PRSS12: variants seen among roughly 807,000 people sequenced by gnomAD.
PRSS12 encodes the protein neurotrypsin.
PRSS12 carries 85 observed loss-of-function variants against 104.4 expected under a neutral mutation model. The ratio of observed to expected loss-of-function variants is 0.81; its 90% CI spans 0.68 to 0.98. The LOEUF (loss-of-function observed/expected upper bound fraction) is 0.98, where lower values mean the gene tolerates loss of function less well. Among genes scored for constraint, PRSS12 ranks in the 50% least tolerant of loss-of-function variants. PRSS12 has a pLI of 0.00. For synonymous variants in PRSS12, 454 were observed against 425.2 expected (o/e 1.07, Z -0.83); for missense variants, 1,141 against 1,139.2 (o/e 1.00, Z -0.02).
At chr4:118,286,915 A>T (rs919001326) in intron 11 of PRSS12, among the ~76,000 whole-genome samples, 2 of 152,250 alleles carry the variant, frequency 1.3e-5, no homozygotes, top group Middle Eastern at 3.4e-3. Flanking sequence ...ATCCTAAGAG[A>T]TTACTAATAG....
At chr4:118,284,253 T>C (rs1050593817) in intron 11 of PRSS12, among the ~76,000 whole-genome samples, 2 of 152,124 alleles carry the variant, frequency 1.3e-5, no homozygotes, top group African/African-American at 4.8e-5. Context: ...CCAGTTGCGA[T>C]TACCAAAAAT....
At chr4:118,340,173 C>T (rs1237000125) in intron 1 of PRSS12, among the ~76,000 whole-genome samples, 1 of 152,112 alleles carries the variant, frequency 6.6e-6, no homozygotes, top group Non-Finnish European at 1.5e-5. Context: ...AATATAATAG[C>T]AATGATAGAG....
chr4:118,316,075 G>C, intron 6 of PRSS12, 107 bp downstream of exon 6: 1 of 1,251,670 alleles, frequency 8.0e-7, no homozygotes, highest in Non-Finnish European at 1.1e-6. Context: ...AGGTAGGAGA[G>C]AACAGGTATT....
intron 8 of PRSS12, among the ~76,000 whole-genome samples, chr4:118,307,526 A>T (rs1276886696): frequency 6.6e-6 from 1 of 152,200 alleles, no homozygotes; most frequent in Non-Finnish European, 1.5e-5. Flanking sequence ...TTAAATTTAT[A>T]ACCCTCTGAA....
At chr4:118,341,314 A>C (rs1313690243) in intron 1 of PRSS12, among the ~76,000 whole-genome samples, 1 of 152,116 alleles carries the variant, frequency 6.6e-6, no homozygotes, top group Non-Finnish European at 1.5e-5. Context: ...AGTAGTTTTC[A>C]TTTGTTTTCT....
chr4:118,351,189 A>G (rs1296383371), intron 1 of PRSS12, among the ~76,000 whole-genome samples: 1 of 152,326 alleles, frequency 6.6e-6, no homozygotes, highest in East Asian at 1.9e-4. Flanking sequence ...TGTGACAGAT[A>G]ACCTCCAAGT....
chr4:118,288,124 CAG>C (rs767169188), intron 11 of PRSS12, among the ~76,000 whole-genome samples: 41 of 152,284 alleles, frequency 2.7e-4, no homozygotes, highest in Admixed American at 6.5e-4. Flanking sequence ...TACAGGAAAA[CAG>C]TATTTTACAT....
chr4:118,312,571 C>T (rs1488075239), intron 7 of PRSS12, among the ~76,000 whole-genome samples: 5 of 152,030 alleles, frequency 3.3e-5, no homozygotes, highest in African/African-American at 9.7e-5. Flanking sequence ...TATTTCAATA[C>T]AGTTAGAGGA....
At chr4:118,285,692 GATA>G (rs1742997951) in intron 11 of PRSS12, among the ~76,000 whole-genome samples, 1 of 151,966 alleles carries the variant, frequency 6.6e-6, no homozygotes, top group African/African-American at 2.4e-5. Context: ...TGTCCCTATA[GATA>G]ATAAGAATAT....
intron 11 of PRSS12, among the ~76,000 whole-genome samples, chr4:118,289,966 A>G (rs1743093701): frequency 1.3e-5 from 2 of 152,332 alleles, no homozygotes; most frequent in South Asian, 4.1e-4. Flanking sequence ...TATGGAAGGA[A>G]TTATCTGTTG....
At chr4:118,310,023 A>G (rs1743665547) in intron 7 of PRSS12, among the ~76,000 whole-genome samples, 1 of 152,144 alleles carries the variant, frequency 6.6e-6, no homozygotes, top group African/African-American at 2.4e-5. Context: ...AACTCAACAA[A>G]TGTTTATGGC....
rs1742816244 is a variant in PRSS12 at position 118,280,510 on chromosome 4, G to C, written c.*1426C>G. On this transcript the variant is annotated 3_prime_UTR_variant, in exon 13 of 13. Coordinates refer to ENST00000296498, the MANE Select transcript of PRSS12 (RefSeq NM_003619.4). ...CCAGTTATTACAGAAATGGGGATTT[G>C]TGAAAAGGATGTAATTTGATGTAGA... The C allele has an allele frequency of 6.6e-6, 1 of 152,258 alleles. No individual in the cohort carries two copies. Among genetic ancestry groups the C allele is most frequent in the Non-Finnish European group, 1.5e-5 (1 of 68,050 alleles). 9.4% of individuals were successfully genotyped at this position (152,258 alleles called of 1,614,324 possible). A position where few individuals can be genotyped will look rare whatever the true frequency, so the allele number is the denominator to read the frequency against.
chr4:118,352,417 C>T lies in PRSS12; in HGVS notation c.304G>A (p.Val102Met). ...AGACACGGGGCGCCGAAGTCCGTCA[C>T]GCTGACCCATGGCTCGCCGGCGGGG... is the stretch of plus-strand genomic sequence containing the variant. ...GCPAGEPWVS[V>M]TDFGAPCLRW... The change falls in exon 1 of 13, where the codon GTG (valine) becomes ATG (methionine). Residue 102 changes from valine to methionine, a missense_variant. Val to Met is a conservative substitution (Grantham distance 21). Transcript: ENST00000296498. 6.5e-7 allele frequency: 1 copy of T among 1,528,486 alleles called. No homozygotes were observed. The highest frequency in any genetic ancestry group is 2.5e-5 in the East Asian group (1 of 40,180). 94.7% of individuals were successfully genotyped at this position (1,528,486 alleles called of 1,614,324 possible). A position where few individuals can be genotyped will look rare whatever the true frequency, so the allele number is the denominator to read the frequency against.
intron 1 of PRSS12, among the ~76,000 whole-genome samples, chr4:118,349,615 C>T (rs1206245109): frequency 6.6e-6 from 1 of 152,252 alleles, no homozygotes; most frequent in East Asian, 1.9e-4. Flanking sequence ...TAAAAATACA[C>T]ATATCTAACC....
At chr4:118,335,747 A>G (rs1724049108) in intron 2 of PRSS12, 96 bp from the exon 3 acceptor site, 6 of 1,113,896 alleles carry the variant, frequency 5.4e-6, no homozygotes, top group Non-Finnish European at 8.2e-6. Flanking sequence ...AAATCAACAA[A>G]GATGAATATG....
Position 118,352,396 on chromosome 4 carries a change from A to T in PRSS12, c.325T>A (p.Cys109Ser). 6 of 1,543,386 alleles carry T rather than the reference A, an allele frequency of 3.9e-6. No homozygotes were observed. Among genetic ancestry groups the T allele is most frequent in the Non-Finnish European group, 5.2e-6 (6 of 1,149,530 alleles). Residue 109 changes from cysteine to serine, a missense_variant, in exon 1 of 13, where the codon TGT becomes AGT. Cys to Ser is a moderately radical substitution (Grantham distance 112). Coordinates refer to ENST00000296498, the MANE Select transcript of PRSS12 (RefSeq NM_003619.4). ...WVSVTDFGAP[C>S]LRWAEVPPFL... is the part of the protein sequence containing the mutation. ...GGTGGCACCTCCGCCCACCGCAGAC[A>T]CGGGGCGCCGAAGTCCGTCACGCTG...
chr4:118,316,837 A>AATATATATATATATATATATATATAT, intron 5 of PRSS12, among the ~76,000 whole-genome samples: 1 of 99,190 alleles, frequency 1.0e-5, no homozygotes, highest in Non-Finnish European at 2.0e-5. Context: ...AAAAAAAAAA[A>AATATATATATATATATATATATATAT]ATATATATAT....
chr4:118,352,832 TC>T lies in PRSS12; in HGVS notation c.-113del. ...GCGTCCCTCGAATCCCCCAGCCCCCTCCCGCCCCCGCACGCGGACCGCCCTC... is the reference window on the plus strand; with the variant it reads ...GCGTCCCTCGAATCCCCCAGCCCCCTCCGCCCCCGCACGCGGACCGCCCTC... On this transcript the variant is annotated 5_prime_UTR_variant, in exon 1 of 13. Coordinates refer to ENST00000296498, the MANE Select transcript of PRSS12 (RefSeq NM_003619.4). 1 of 1,422,290 alleles carries T rather than the reference TC, an allele frequency of 7.0e-7. No individual in the cohort carries two copies. Among genetic ancestry groups the T allele is most frequent in the Non-Finnish European group, 9.5e-7 (1 of 1,057,018 alleles). The allele number at this position is 1,422,290 out of a possible 1,614,324, so 88.1% of individuals were successfully genotyped here.
chr4:118,321,555 T>C (rs1723624821), intron 4 of PRSS12, among the ~76,000 whole-genome samples: 1 of 152,138 alleles, frequency 6.6e-6, no homozygotes, highest in African/African-American at 2.4e-5. Context: ...TGCAGGGTTG[T>C]AGGAATTAAA....
Sources: gnomAD v4.1 joint callset for allele counts (sites outside exome capture counted in the v4.1 genomes callset) on GRCh38, gnomAD v4.1.1 for gene constraint, MANE v1.5 for transcripts, NCBI Gene and HGNC (gene_info 2026-07-23, HGNC 2026-07-21) for gene names.